SAFB2: variants seen among roughly 807,000 people sequenced by gnomAD.
SAFB2 encodes the protein scaffold attachment factor B2.
Under a neutral mutation model 100.6 loss-of-function variants are expected in SAFB2, and 32 were observed. That is an observed-to-expected ratio of 0.32 (90% CI 0.24 to 0.43). The LOEUF is 0.43. Among genes scored for constraint, SAFB2 ranks in the 20% least tolerant of loss-of-function variants. SAFB2 has a pLI of 1.00. For synonymous variants in SAFB2, 500 were observed against 439.4 expected, an observed-to-expected ratio of 1.14 and a Z score of -1.72; for missense variants, 1,185 against 1,163.4, an observed-to-expected ratio of 1.02 and a Z score of -0.27.
At chr19:5,592,629 A>G in intron 16 of SAFB2, 118 bp downstream of exon 16, 1 of 1,156,196 alleles carries the variant, frequency 8.6e-7, no homozygotes, top group South Asian at 1.5e-5. Context: ...TGTGGATCTC[A>G]GAAGTAAACG....
chr19:5,598,727 G>T, intron 13 of SAFB2, 66 bp downstream of exon 13: 1 of 1,436,310 alleles, frequency 7.0e-7, no homozygotes. Flanking sequence ...TCATAATGCG[G>T]ATCAAACGGG....
In SAFB2 at chr19:5,602,628, C is replaced by T. The variant is rs542338745; in HGVS notation, c.1559+1955G>A. Reference sequence around the variant, plus strand: ...CGCGCTCCCCTCTCTAGGCCTGTATCCTCTCCTACATAGAGCAAGTGCCTC... The same window carrying T: ...CGCGCTCCCCTCTCTAGGCCTGTATTCTCTCCTACATAGAGCAAGTGCCTC... On this transcript the variant is annotated intron_variant, in intron 11 of 20. Transcript: ENST00000252542. Among the ~76,000 whole-genome samples, 14 of 152,184 alleles carry T rather than the reference C, an allele frequency of 9.2e-5. No homozygotes were observed. The East Asian group carries it at 2.7e-3, about 29-fold the overall frequency.
Position 5,587,136 on chromosome 19 carries a change from T to TG in SAFB2, c.*106dup. 7.0e-7 allele frequency: 1 copy of TG among 1,434,804 alleles called. No individual in the cohort carries two copies. The highest frequency in any genetic ancestry group is 9.5e-7 in the Non-Finnish European group (1 of 1,050,130). The allele number at this position is 1,434,804 out of a possible 1,614,324, so 88.9% of individuals were successfully genotyped here. A position where few individuals can be genotyped will look rare whatever the true frequency, so the allele number is the denominator to read the frequency against. ...CACATTGTATTGAGCTACAACATGGTGGCAGGATTTACTTTGCTTTTAAAA... is the reference window on the plus strand; with the variant it reads ...CACATTGTATTGAGCTACAACATGGTGGGCAGGATTTACTTTGCTTTTAAAA... On this transcript the variant is annotated 3_prime_UTR_variant, in exon 21 of 21. Coordinates refer to ENST00000252542, the MANE Select transcript of SAFB2 (RefSeq NM_014649.3). This position sits in a 1 kb window ranked among gnomAD's most constrained non-coding sequence, Gnocchi z 4.9.
rs118000733 is a variant in SAFB2 at position 5,615,550 on chromosome 19, A to G, written c.543+582T>C. 4.3e-4 allele frequency among the ~76,000 whole-genome samples: 65 copies of G among 151,146 alleles called. No homozygotes were observed. In the East Asian group the frequency reaches 0.011, roughly 26 times the overall value. On this transcript the variant is annotated intron_variant, in intron 4 of 20. Transcript: ENST00000252542. ...TAGTGAGATCCCGCCTCTAAAAAAA[A>G]AAAAATTTTTTTTTAATTAGCTGGG... is the stretch of plus-strand genomic sequence containing the variant.
chr19:5,606,943 C>T (rs957704239), intron 9 of SAFB2, among the ~76,000 whole-genome samples: 5 of 152,082 alleles, frequency 3.3e-5, no homozygotes, highest in African/African-American at 1.2e-4. Context: ...ATGATTTTTT[C>T]CTGTCATTTC....
chr19:5,595,159 T>G (rs1171595818), intron 14 of SAFB2, among the ~76,000 whole-genome samples: 1 of 152,200 alleles, frequency 6.6e-6, no homozygotes, highest in Non-Finnish European at 1.5e-5. Flanking sequence ...CTTTGATGAC[T>G]TTCATGCCAC....
chr19:5,604,255 A>G (rs1379820363), intron 11 of SAFB2, among the ~76,000 whole-genome samples: 1 of 152,238 alleles, frequency 6.6e-6, no homozygotes, highest in African/African-American at 2.4e-5. Flanking sequence ...TATAAAAAGT[A>G]GCCTGGCTGG....
At position 5,587,103 on chromosome 19, in the gene SAFB2, AGTG is replaced by A; in HGVS notation, c.*137_*139del. The A allele has an allele frequency of 9.2e-7, 1 of 1,085,272 alleles. No homozygotes were observed. Among genetic ancestry groups the A allele is most frequent in the African/African-American group, 1.6e-5 (1 of 63,548 alleles). 67.2% of individuals were successfully genotyped at this position (1,085,272 alleles called of 1,614,324 possible). On this transcript the variant is annotated 3_prime_UTR_variant, in exon 21 of 21. Transcript: ENST00000252542. The surrounding 1 kb of genome is among the most constrained non-coding windows in gnomAD (Gnocchi z 4.9). ...CACATTTATTTAAAAAAAAAAAAAA[AGTG>A]AGTTCACATTGTATTGAGCTACAAC...
chr19:5,603,714 G>C (rs566930044), intron 11 of SAFB2, among the ~76,000 whole-genome samples: 41 of 152,100 alleles, frequency 2.7e-4, no homozygotes, highest in African/African-American at 9.4e-4. Context: ...TCACAGGGTG[G>C]CACTGTGAAC....
intron 11 of SAFB2, among the ~76,000 whole-genome samples, chr19:5,603,785 T>C (rs1339234412): frequency 6.6e-6 from 1 of 152,216 alleles, no homozygotes; most frequent in Non-Finnish European, 1.5e-5. Context: ...TTTTGCCATC[T>C]GTCAGACACA....
intron 2 of SAFB2, among the ~76,000 whole-genome samples, chr19:5,617,014 G>A (rs1332877214): frequency 6.6e-6 from 1 of 151,988 alleles, no homozygotes; most frequent in Non-Finnish European, 1.5e-5. Flanking sequence ...CTTAGATTCA[G>A]AGTACTCTGA....
At position 5,594,161 on chromosome 19, in the gene SAFB2, TC is replaced by T; in HGVS notation, c.1936del (p.Glu646SerfsTer145). On this transcript the variant is annotated frameshift_variant, in exon 15 of 21. Transcript: ENST00000252542. LOFTEE classifies it high-confidence loss of function. ...TERRREREQR[E>X]REQRLEAFHE... is the part of the protein sequence containing the mutation. ...GAAGGCCTCGAGGCGTTGCTCCCGC[TC>T]CCGCTGCTCGCGCTCCCTGCGGGGA... 6.3e-7 allele frequency: 1 copy of T among 1,597,168 alleles called. No homozygotes were observed.
chr19:5,612,275 G>A (rs2052924660), intron 6 of SAFB2: 1 of 522,142 alleles, frequency 1.9e-6, no homozygotes, highest in East Asian at 3.2e-5. Context: ...CGGGGACGGG[G>A]GAATTAAATG....
rs150472516 is a variant in SAFB2, at chr19:5,590,360, C to T, written c.2443G>A (p.Gly815Ser). 5.1e-3 allele frequency: 8,188 copies of T among 1,611,884 alleles called. 45 individuals are homozygous for T. The highest frequency in any genetic ancestry group is 5.4e-3 in the Non-Finnish European group (6,338 of 1,179,312). Reference protein sequence around the residue: ...HGHGGPPERHGRDSRDGWGGY... With the variant: ...HGHGGPPERHSRDSRDGWGGY... Reference sequence around the variant, plus strand: ...CCCCAGCCATCACGGGAGTCCCGGCCGTGGCGCTCTGGGGGTCCTCCGTGG... The same window carrying T: ...CCCCAGCCATCACGGGAGTCCCGGCTGTGGCGCTCTGGGGGTCCTCCGTGG... The change falls in exon 18 of 21, where the codon GGC (glycine) becomes AGC (serine). Residue 815 changes from glycine to serine, a missense_variant. Gly to Ser is a moderately conservative substitution (Grantham distance 56). Around this residue, in one of 3 missense-constraint regions of SAFB2, gnomAD observed 740 missense variants for 687.1 expected, o/e 1.08. Coordinates refer to ENST00000252542, the MANE Select transcript of SAFB2 (RefSeq NM_014649.3).
At chr19:5,609,043 C>T (rs1287770933) in intron 9 of SAFB2, among the ~76,000 whole-genome samples, 5 of 101,408 alleles carry the variant, frequency 4.9e-5, no homozygotes, top group Middle Eastern at 8.3e-3. Context: ...CAGAGCGAGA[C>T]GCAGTCTCAA....
intron 1 of SAFB2, 45 bp downstream of exon 1, chr19:5,622,485 G>T: frequency 6.7e-7 from 1 of 1,487,314 alleles, no homozygotes. Context: ...AGGCGGGGGC[G>T]TGCCCGGGCC....
rs1461470085 is a variant in SAFB2 at position 5,587,012 on chromosome 19, C to CT, written c.*230dup. 135 of 623,102 alleles carry CT rather than the reference C, an allele frequency of 2.2e-4. No homozygotes were observed. Among genetic ancestry groups the CT allele is most frequent in the Non-Finnish European group, 2.4e-5 (9 of 373,742 alleles). 38.6% of individuals were successfully genotyped at this position (623,102 alleles called of 1,614,324 possible). On this transcript the variant is annotated 3_prime_UTR_variant, in exon 21 of 21. Coordinates refer to ENST00000252542, the MANE Select transcript of SAFB2 (RefSeq NM_014649.3). The surrounding 1 kb of genome is among the most constrained non-coding windows in gnomAD (Gnocchi z 4.9). ...CGCACGCAAGACTGCGAATGGTAAA[C>CT]TTTATTAATGGAAAATGGAATGCCT...
Position 5,593,944 on chromosome 19 carries a change from C to G in SAFB2, c.2154G>C (p.Gln718His), listed in dbSNP as rs761756340. The G allele has an allele frequency of 1.3e-6, 2 of 1,555,000 alleles. No homozygotes were observed. Among genetic ancestry groups the G allele is most frequent in the Non-Finnish European group, 1.7e-6 (2 of 1,159,466 alleles). Residue 718 changes from glutamine (Q) to histidine (H), a missense_variant, in exon 15 of 21, where the codon CAG (glutamine) becomes CAC (histidine). Coordinates refer to ENST00000252542, the MANE Select transcript of SAFB2 (RefSeq NM_014649.3). ...GCCGCCGCTCCTGCTCGTAACGCAG[C>G]TGCTCCTGCTGGCGCCGCAGCTCCT... ...EREELRRQQE[Q>H]LRYEQERRPG... is the part of the protein sequence containing the mutation.
At chr19:5,620,660 G>C (rs916262071) in intron 2 of SAFB2, among the ~76,000 whole-genome samples, 1 of 152,190 alleles carries the variant, frequency 6.6e-6, no homozygotes, top group African/African-American at 2.4e-5. Context: ...TAGTTGCCAG[G>C]GGCTGGAGGG....
Sources: gnomAD v4.1 joint callset for allele counts (sites outside exome capture counted in the v4.1 genomes callset) on GRCh38, gnomAD v4.1.1 for gene constraint, gnomAD v4.1.1 regional missense constraint, Gnocchi (gnomAD v3.1) non-coding constraint, MANE v1.5 for transcripts, NCBI Gene and HGNC (gene_info 2026-07-23, HGNC 2026-07-21) for gene names.